The following GRM8 variants were observed in gnomAD, a reference collection of about 807,000 sequenced individuals.
GRM8 encodes metabotropic glutamate receptor 8.
GRM8 carries 47 observed loss-of-function variants against 87.2 expected under a neutral mutation model. That is an observed-to-expected ratio of 0.54 (90% CI 0.43 to 0.69). The LOEUF is 0.69. GRM8 is among the 30% of genes least tolerant of loss of function. GRM8 has a pLI of 0.00. For missense variants in GRM8, 1,019 were observed against 1,139.2 expected, an observed-to-expected ratio of 0.89 and a Z score of 1.52; for synonymous variants, 396 against 404.5, an observed-to-expected ratio of 0.98 and a Z score of 0.25.
Position 126,770,017 on chromosome 7 carries a change from AC to A in GRM8, c.1204del (p.Val402SerfsTer4), listed in dbSNP as rs1354095299. On this transcript the variant is annotated frameshift_variant, in exon 7 of 11. Coordinates refer to ENST00000339582, the MANE Select transcript of GRM8 (RefSeq NM_000845.3). LOFTEE classifies it high-confidence loss of function. ...ATATACAGCATCAATTACAAATTGG[AC>A]CTTTCCTTCCTGTTCATAAGATGAA... ...RDSSYEQEGK[V>X]QFVIDAVYSM... 1 of 1,612,758 alleles carries A rather than the reference AC, an allele frequency of 6.2e-7. No homozygotes were observed. The highest frequency in any genetic ancestry group is 2.2e-5 in the East Asian group (1 of 44,782).
intron 6 of GRM8, among the ~76,000 whole-genome samples, chr7:126,879,973 G>A (rs575668470): frequency 6.6e-6 from 1 of 152,258 alleles, no homozygotes; most frequent in South Asian, 2.1e-4. Context: ...CTGAAAAGGT[G>A]TCTAAAAAAA....
At chr7:126,606,218 C>T (rs1798328387) in intron 8 of GRM8, among the ~76,000 whole-genome samples, 1 of 152,124 alleles carries the variant, frequency 6.6e-6, no homozygotes, top group African/African-American at 2.4e-5. Flanking sequence ...TGTCTCTGAA[C>T]TTTCTCACAC....
At chr7:127,082,772 T>A (rs1415048002) in intron 3 of GRM8, among the ~76,000 whole-genome samples, 9 of 152,284 alleles carry the variant, frequency 5.9e-5, no homozygotes, top group Admixed American at 2.6e-4. Flanking sequence ...TTTACATGGG[T>A]TTTCTCTTTT....
chr7:126,890,389 T>TA (rs1372471870), intron 6 of GRM8, among the ~76,000 whole-genome samples: 1 of 152,096 alleles, frequency 6.6e-6, no homozygotes, highest in Admixed American at 6.6e-5. Context: ...GGTTGCTAGC[T>TA]AAAAATGGGA....
At chr7:127,079,524 G>C (rs1028412834) in intron 3 of GRM8, among the ~76,000 whole-genome samples, 1 of 152,236 alleles carries the variant, frequency 6.6e-6, no homozygotes, top group Non-Finnish European at 1.5e-5. Context: ...GAAAATAGCA[G>C]TGAGGAAAAG....
At position 126,765,873 on chromosome 7, in the gene GRM8, A is replaced by G. The variant is rs1292413012; in HGVS notation, c.1357+3992T>C. On this transcript the variant is annotated intron_variant, in intron 7 of 10. Transcript: ENST00000339582. ...GTGATTCAGAATGTGCTTAAAATAC[A>G]GATGCAGAAGATGGTTCAGGTACCT... 4.6e-5 allele frequency among the ~76,000 whole-genome samples: 7 copies of G among 152,246 alleles called. No individual in the cohort carries two copies. In the South Asian group the frequency reaches 8.3e-4, roughly 18 times the overall value.
chr7:127,024,867 C>CTCA (rs1444918054), intron 3 of GRM8, among the ~76,000 whole-genome samples: 3 of 152,074 alleles, frequency 2.0e-5, no homozygotes, highest in African/African-American at 7.2e-5. Flanking sequence ...CTAGAAAAGC[C>CTCA]TCATCCCTCC....
chr7:126,865,613 G>A (rs911646880), intron 6 of GRM8, among the ~76,000 whole-genome samples: 23 of 152,166 alleles, frequency 1.5e-4, no homozygotes, highest in Admixed American at 2.6e-4. Context: ...AACCCTAGGC[G>A]ATCACTAATT....
intron 7 of GRM8, among the ~76,000 whole-genome samples, chr7:126,761,288 C>G (rs1486357698): frequency 1.3e-5 from 2 of 151,488 alleles, no homozygotes; most frequent in Non-Finnish European, 2.9e-5. Flanking sequence ...ACTGAATTAT[C>G]TCCAGTAATG....
chr7:127,157,355 C>T lies in GRM8; in HGVS notation c.511-50643G>A, dbSNP rs1013419100. Among the ~76,000 whole-genome samples, 3 of 152,134 alleles carry T rather than the reference C, an allele frequency of 2.0e-5. No individual in the cohort carries two copies. In the South Asian group the frequency reaches 6.2e-4, roughly 32 times the overall value. On this transcript the variant is annotated intron_variant, in intron 2 of 10. Transcript: ENST00000339582. Reference sequence around the variant, plus strand: ...GGACTAACAGACTACACTGAAGGTTCTTAACTTGTTTTGGTGCCATGAATC... The same window carrying T: ...GGACTAACAGACTACACTGAAGGTTTTTAACTTGTTTTGGTGCCATGAATC...
chr7:126,657,806 T>A (rs113479987), intron 7 of GRM8, among the ~76,000 whole-genome samples: 2,612 of 81,302 alleles, frequency 0.032, 64 homozygotes, highest in African/African-American at 0.16. Flanking sequence ...GTGGAGTGAG[T>A]GGGGAAACCC....
At chr7:126,946,941 A>T (rs1317999055) in intron 3 of GRM8, among the ~76,000 whole-genome samples, 3 of 152,210 alleles carry the variant, frequency 2.0e-5, no homozygotes, top group Non-Finnish European at 1.5e-5. Context: ...GATTCATGTC[A>T]TCATTAGAGT....
chr7:127,008,518 CTGTTCTCT>C (rs1814547113), intron 3 of GRM8, among the ~76,000 whole-genome samples: 3 of 152,188 alleles, frequency 2.0e-5, no homozygotes, highest in East Asian at 3.9e-4. Flanking sequence ...AAAGTATGTG[CTGTTCTCT>C]AAATTATTTC....
At chr7:126,695,081 G>A (rs1017566412) in intron 7 of GRM8, among the ~76,000 whole-genome samples, 34 of 152,140 alleles carry the variant, frequency 2.2e-4, no homozygotes, top group African/African-American at 7.2e-4. Context: ...TGCATTGATG[G>A]GTGGCTTTTC....
At chr7:127,058,335 C>T (rs2132555935) in intron 3 of GRM8, among the ~76,000 whole-genome samples, 1 of 152,258 alleles carries the variant, frequency 6.6e-6, no homozygotes, top group South Asian at 2.1e-4. Flanking sequence ...ATTAAAACTT[C>T]CTAGATCTCA....
chr7:126,851,556 A>G (rs1797213892), intron 6 of GRM8, among the ~76,000 whole-genome samples: 1 of 152,074 alleles, frequency 6.6e-6, no homozygotes, highest in Non-Finnish European at 1.5e-5. Context: ...ACACTGTTTT[A>G]GCTACACCTC....
intron 8 of GRM8, among the ~76,000 whole-genome samples, chr7:126,557,075 A>C (rs1793223194): frequency 6.6e-6 from 1 of 152,198 alleles, no homozygotes; most frequent in Non-Finnish European, 1.5e-5. Context: ...CCTGTGGGGA[A>C]GCTGCTCCCC....
At chr7:127,034,073 A>T (rs964336603) in intron 3 of GRM8, among the ~76,000 whole-genome samples, 10 of 152,202 alleles carry the variant, frequency 6.6e-5, no homozygotes, top group African/African-American at 2.4e-4. Flanking sequence ...TTGGGGAAGG[A>T]AATGCAAGAC....
chr7:126,948,882 A>T (rs1807837293), intron 3 of GRM8, among the ~76,000 whole-genome samples: 1 of 152,200 alleles, frequency 6.6e-6, no homozygotes. Context: ...AACCCCAGAG[A>T]CCCACAGTAA....
Sources: allele counts gnomAD v4.1 joint callset (sites outside exome capture counted in the v4.1 genomes callset), GRCh38; gene constraint gnomAD v4.1.1; transcripts MANE v1.5; gene names NCBI Gene and HGNC (gene_info 2026-07-23, HGNC 2026-07-21).